Variants in FNIP2 observed in about 807,000 individuals in gnomAD.
The protein encoded by FNIP2 is folliculin interacting protein 2, also known as folliculin-interacting protein 2.
FNIP2 carries 32 observed loss-of-function variants against 108.7 expected under a neutral mutation model. The ratio of observed to expected loss-of-function variants is 0.29; its 90% CI spans 0.22 to 0.40. FNIP2 has a LOEUF of 0.40. Among genes scored for constraint, FNIP2 ranks in the 10% least tolerant of loss-of-function variants. The pLI, the probability that FNIP2 is intolerant of heterozygous loss-of-function variation, is 1.00. For synonymous variants in FNIP2, 480 were observed against 496.7 expected (o/e 0.97, Z 0.45); for missense variants, 1,202 against 1,381.6 (o/e 0.87, Z 2.06).
At chr4:158,882,608 G>A (rs1408365824) in intron 14 of FNIP2, among the ~76,000 whole-genome samples, 2 of 152,280 alleles carry the variant, frequency 1.3e-5, no homozygotes, top group African/African-American at 4.8e-5. Context: ...CTGTGGCTGT[G>A]TAGAAAGAAG....
intron 14 of FNIP2, among the ~76,000 whole-genome samples, chr4:158,870,773 C>T (rs1578949665): frequency 6.6e-6 from 1 of 152,234 alleles, no homozygotes; most frequent in East Asian, 1.9e-4. Context: ...TGACTTCCTG[C>T]CATCCCTCCT....
At chr4:158,822,935 A>C (rs969862875) in intron 1 of FNIP2, among the ~76,000 whole-genome samples, 3 of 152,194 alleles carry the variant, frequency 2.0e-5, no homozygotes, top group African/African-American at 7.2e-5. Flanking sequence ...AATCAGAACA[A>C]TTGTCCATGA....
rs547604500 is a variant in FNIP2 at position 158,868,981 on chromosome 4, G to A, written c.2345G>A (p.Arg782Gln). The change falls in exon 13 of 17, where the codon CGG (arginine) becomes CAG (glutamine). Residue 782 changes from arginine (R) to glutamine (Q), a missense_variant. Physicochemically the swap from Arg to Gln is conservative, Grantham distance 43 (BLOSUM62 1). Around this residue, in one of 5 missense-constraint regions of FNIP2, gnomAD observed 878 missense variants for 990.3 expected, o/e 0.89. Transcript: ENST00000264433. The surrounding 1 kb of genome is among the most constrained non-coding windows in gnomAD (Gnocchi z 4.6). The stretch of plus-strand genomic sequence containing the variant: ...GAGAATGTTTGCTGTCCTCAGAATC[G>A]GCTTTCAGAGGGGGATGAAGGCGAG... ...FQENVCCPQN[R>Q]LSEGDEGESD... 1.1e-5 allele frequency: 17 copies of A among 1,613,960 alleles called. No homozygotes were observed. Among genetic ancestry groups the A allele is most frequent in the African/African-American group, 2.7e-5 (2 of 75,040 alleles).
chr4:158,773,560 G>T (rs113946898), intron 1 of FNIP2, among the ~76,000 whole-genome samples: 22 of 152,230 alleles, frequency 1.4e-4, no homozygotes, highest in African/African-American at 5.1e-4. Context: ...AGAATAACAT[G>T]CAATACAAAC....
intron 1 of FNIP2, among the ~76,000 whole-genome samples, chr4:158,805,708 C>T (rs940897503): frequency 2.0e-5 from 3 of 152,154 alleles, no homozygotes; most frequent in African/African-American, 7.2e-5. Context: ...ACATGAGAGC[C>T]ATTAAGAGGG....
At position 158,891,488 on chromosome 4, in the gene FNIP2, A is replaced by G; in HGVS notation, c.2992A>G (p.Ile998Val). Residue 998 changes from isoleucine (I) to valine (V), a missense_variant, in exon 15 of 17, where the codon ATC becomes GTC. By Grantham distance (29) the Ile-to-Val change is conservative. Transcript: ENST00000264433. ...GCCAATAGCTGAAGCTGTCTGTATT[A>G]TCGCAGACACGGATAAATGGAGTGT... ...DEPIAEAVCI[I>V]ADTDKWSVQV... 2 of 1,608,046 alleles carry G rather than the reference A, an allele frequency of 1.2e-6. No individual in the cohort carries two copies. The highest frequency in any genetic ancestry group is 1.3e-5 in the African/African-American group (1 of 74,988).
At chr4:158,866,766 A>G (rs1578940317) in intron 12 of FNIP2, among the ~76,000 whole-genome samples, 1 of 148,254 alleles carries the variant, frequency 6.7e-6, no homozygotes, top group Admixed American at 6.7e-5. Context: ...TGGCAGAGAC[A>G]GGGTTTCAGC....
intron 16 of FNIP2, among the ~76,000 whole-genome samples, chr4:158,896,427 G>C (rs1318208468): frequency 6.6e-6 from 1 of 152,038 alleles, no homozygotes; most frequent in Non-Finnish European, 1.5e-5. Context: ...ACTTCTCTAG[G>C]GGAAGTAATT....
intron 6 of FNIP2, chr4:158,834,298 C>CTCTCTCTCTCTA: frequency 6.9e-6 from 1 of 144,082 alleles, no homozygotes; most frequent in Non-Finnish European, 1.5e-5. Context: ...TTCTCTCTCT[C>CTCTCTCTCTCTA]TCTCTCTCTC....
At chr4:158,831,770 A>T in intron 3 of FNIP2, 91 bp from the exon 4 acceptor site, 2 of 800,534 alleles carry the variant, frequency 2.5e-6, no homozygotes, top group Non-Finnish European at 4.1e-6. Context: ...TTAATCACCG[A>T]TGACACTAAC....
intron 16 of FNIP2, among the ~76,000 whole-genome samples, chr4:158,902,581 T>A (rs1349777583): frequency 6.6e-6 from 1 of 152,204 alleles, no homozygotes; most frequent in Non-Finnish European, 1.5e-5. Flanking sequence ...AAGCTGTGCC[T>A]ACAGCCGCCC....
At chr4:158,832,170 A>AT in intron 5 of FNIP2, 32 bp downstream of exon 5, 1 of 1,553,084 alleles carries the variant, frequency 6.4e-7, no homozygotes, top group Non-Finnish European at 8.9e-7. Flanking sequence ...CCCCACCCCC[A>AT]TTTTTTAAAG....
intron 14 of FNIP2, chr4:158,890,284 A>C: frequency 1.0e-6 from 1 of 984,770 alleles, no homozygotes; most frequent in Middle Eastern, 5.2e-4. Context: ...TATTTTTATA[A>C]ACCCTGATAA....
In FNIP2 at chr4:158,840,393, T is replaced by C. The variant is rs147676726; in HGVS notation, c.727+4917T>C. 1.6e-3 allele frequency among the ~76,000 whole-genome samples: 249 copies of C among 152,114 alleles called. 1 individual carries two copies. The highest frequency in any genetic ancestry group is 5.7e-3 in the African/African-American group (237 of 41,490). ...TTGGAGTAGAAGCTAAAATTTGTTT[T>C]TTTGTTGTTGTTTTTTTTTTGAGAC... On this transcript the variant is annotated intron_variant, in intron 7 of 16. Coordinates refer to ENST00000264433, the MANE Select transcript of FNIP2 (RefSeq NM_020840.3).
chr4:158,888,035 GC>G (rs1314864558), intron 14 of FNIP2, among the ~76,000 whole-genome samples: 1 of 152,200 alleles, frequency 6.6e-6, no homozygotes, highest in African/African-American at 2.4e-5. Flanking sequence ...GCCAGCAGTG[GC>G]CCCGGTGGCC....
intron 1 of FNIP2, among the ~76,000 whole-genome samples, chr4:158,809,896 TA>T (rs1233429376): frequency 6.6e-6 from 1 of 152,128 alleles, no homozygotes; most frequent in Non-Finnish European, 1.5e-5. Context: ...ATAATTCTAT[TA>T]AAAAAGGGAA....
chr4:158,783,494 C>T (rs1180119572), intron 1 of FNIP2, among the ~76,000 whole-genome samples: 1 of 152,310 alleles, frequency 6.6e-6, no homozygotes, highest in African/African-American at 2.4e-5. Context: ...TTGTAAATCT[C>T]ATTTATTACC....
At chr4:158,790,731 A>G (rs1776385998) in intron 1 of FNIP2, among the ~76,000 whole-genome samples, 8 of 152,220 alleles carry the variant, frequency 5.3e-5, no homozygotes, top group Admixed American at 5.2e-4. Context: ...TGGGTGACAT[A>G]GTGAGACCTT....
At chr4:158,882,937 A>G (rs1781771307) in intron 14 of FNIP2, among the ~76,000 whole-genome samples, 1 of 151,846 alleles carries the variant, frequency 6.6e-6, no homozygotes, top group East Asian at 1.9e-4. Context: ...TCCCTCCACT[A>G]TTGTCCTATG....
Sources: gnomAD v4.1 joint callset for allele counts (sites outside exome capture counted in the v4.1 genomes callset) on GRCh38, gnomAD v4.1.1 for gene constraint, gnomAD v4.1.1 regional missense constraint, Gnocchi (gnomAD v3.1) non-coding constraint, MANE v1.5 for transcripts, NCBI Gene and HGNC (gene_info 2026-07-23, HGNC 2026-07-21) for gene names.